MCTP1: variants seen among roughly 807,000 people sequenced by gnomAD.
The protein encoded by MCTP1 is multiple C2 and transmembrane domain containing 1.
MCTP1 carries 69 observed loss-of-function variants against 120.6 expected under a neutral mutation model. The observed-to-expected ratio is 0.57, with a 90% confidence interval of 0.47 to 0.70. The LOEUF (loss-of-function observed/expected upper bound fraction) is 0.70, where lower values mean the gene tolerates loss of function less well. Ranked by LOEUF, MCTP1 falls within the 30% of genes least tolerant of loss-of-function variation. The pLI is 0.00. For synonymous variants in MCTP1, 529 were observed against 493.1 expected, an observed-to-expected ratio of 1.07 and a Z score of -0.96; for missense variants, 1,203 against 1,248.8, an observed-to-expected ratio of 0.96 and a Z score of 0.55.
chr5:94,928,236 ACACACACG>A (rs1378901571), intron 6 of MCTP1, among the ~76,000 whole-genome samples: 1 of 134,848 alleles, frequency 7.4e-6, no homozygotes, highest in East Asian at 2.1e-4. Context: ...ACACACACAC[ACACACACG>A]ATGTAATGTA....
chr5:94,831,674 A>G (rs971423652), intron 17 of MCTP1, among the ~76,000 whole-genome samples: 1 of 152,190 alleles, frequency 6.6e-6, no homozygotes, highest in African/African-American at 2.4e-5. Context: ...CCTTTGTGTA[A>G]TGAAATTTGC....
At chr5:95,268,186 G>A (rs1686333048) in intron 1 of MCTP1, among the ~76,000 whole-genome samples, 1 of 152,104 alleles carries the variant, frequency 6.6e-6, no homozygotes, top group South Asian at 2.1e-4. Context: ...CTATAAGATC[G>A]TAAGCTCTAT....
intron 1 of MCTP1, among the ~76,000 whole-genome samples, chr5:95,227,091 C>G (rs1367001685): frequency 6.6e-6 from 1 of 152,126 alleles, no homozygotes; most frequent in Non-Finnish European, 1.5e-5. Flanking sequence ...GCCACCGAGG[C>G]AGAATTTGAT....
At chr5:95,040,754 A>G (rs1429295669) in intron 1 of MCTP1, among the ~76,000 whole-genome samples, 1 of 152,144 alleles carries the variant, frequency 6.6e-6, no homozygotes, top group African/African-American at 2.4e-5. Context: ...GGCCACAGTG[A>G]CTGATTCAGG....
chr5:95,191,438 T>C (rs546215396), intron 1 of MCTP1, among the ~76,000 whole-genome samples: 1 of 152,144 alleles, frequency 6.6e-6, no homozygotes, highest in East Asian at 1.9e-4. Context: ...AGTTACACTA[T>C]CTTCCACCAC....
chr5:94,883,858 G>A (rs1454157110), intron 12 of MCTP1, among the ~76,000 whole-genome samples: 4 of 152,294 alleles, frequency 2.6e-5, no homozygotes, highest in South Asian at 2.1e-4. Flanking sequence ...ATTTGCTAGC[G>A]TAACCCACCA....
chr5:95,149,044 G>A (rs1361965593), intron 1 of MCTP1, among the ~76,000 whole-genome samples: 1 of 152,188 alleles, frequency 6.6e-6, no homozygotes, highest in African/African-American at 2.4e-5. Flanking sequence ...GAGCTATGCA[G>A]GTCTTTTGTA....
chr5:95,148,576 AT>A (rs1760621818), intron 1 of MCTP1, among the ~76,000 whole-genome samples: 1 of 152,042 alleles, frequency 6.6e-6, no homozygotes, highest in Admixed American at 6.6e-5. Flanking sequence ...TGGCTATTTC[AT>A]TTTTCAGCTC....
chr5:95,171,762 AG>A (rs1747330228), intron 1 of MCTP1, among the ~76,000 whole-genome samples: 1 of 151,736 alleles, frequency 6.6e-6, no homozygotes, highest in Non-Finnish European at 1.5e-5. Context: ...CAGCTCCATC[AG>A]GTCATTTAAG....
intron 1 of MCTP1, among the ~76,000 whole-genome samples, chr5:95,025,199 G>A (rs966882171): frequency 6.6e-6 from 1 of 151,976 alleles, no homozygotes. Context: ...AAAACAACGA[G>A]GTACTGACAT....
intron 1 of MCTP1, among the ~76,000 whole-genome samples, chr5:95,027,594 G>GT (rs1455495371): frequency 2.0e-5 from 3 of 152,178 alleles, no homozygotes; most frequent in African/African-American, 7.2e-5. Flanking sequence ...GTGTGACATT[G>GT]TAACAGGGCA....
chr5:95,169,716 G>A (rs559019420), intron 1 of MCTP1, among the ~76,000 whole-genome samples: 2 of 152,112 alleles, frequency 1.3e-5, no homozygotes, highest in Non-Finnish European at 2.9e-5. Flanking sequence ...AGGGTAGTTT[G>A]TATTTCTGTG....
intron 19 of MCTP1, among the ~76,000 whole-genome samples, chr5:94,750,057 GAGA>G (rs1489522509): frequency 1.3e-5 from 2 of 152,358 alleles, no homozygotes; most frequent in South Asian, 2.1e-4. Flanking sequence ...GAGAAAGAGA[GAGA>G]AGAACTTGCT....
At chr5:95,120,021 A>C (rs1387179925) in intron 1 of MCTP1, among the ~76,000 whole-genome samples, 1 of 151,760 alleles carries the variant, frequency 6.6e-6, no homozygotes, top group East Asian at 1.9e-4. Context: ...AAAAAAATAC[A>C]AAAAAATTAG....
chr5:94,748,974 A>G (rs1322706299), intron 19 of MCTP1, among the ~76,000 whole-genome samples: 1 of 152,216 alleles, frequency 6.6e-6, no homozygotes, highest in Non-Finnish European at 1.5e-5. Flanking sequence ...AGGTCAAGAA[A>G]TACAGTTTTG....
At chr5:95,205,507 A>G (rs1447808645) in intron 1 of MCTP1, among the ~76,000 whole-genome samples, 10 of 152,182 alleles carry the variant, frequency 6.6e-5, no homozygotes, top group African/African-American at 2.2e-4. Flanking sequence ...ATTAATGTGA[A>G]ATAATTTGCG....
intron 19 of MCTP1, among the ~76,000 whole-genome samples, chr5:94,721,954 C>T (rs1382067227): frequency 1.3e-5 from 2 of 150,538 alleles, no homozygotes; most frequent in Non-Finnish European, 1.5e-5. Flanking sequence ...ATTTATATTG[C>T]ACAACTATTT....
chr5:95,113,939 A>G (rs1236011001), intron 1 of MCTP1, among the ~76,000 whole-genome samples: 1 of 152,184 alleles, frequency 6.6e-6, no homozygotes, highest in Non-Finnish European at 1.5e-5. Flanking sequence ...TTTCACCTGT[A>G]TACCAGCTCA....
At chr5:95,149,726 G>T (rs929009230) in intron 1 of MCTP1, among the ~76,000 whole-genome samples, 1 of 152,164 alleles carries the variant, frequency 6.6e-6, no homozygotes, top group Non-Finnish European at 1.5e-5. Flanking sequence ...GGCTGCTCAG[G>T]GATCCAAGGA....
Sources: allele counts gnomAD v4.1 joint callset (sites outside exome capture counted in the v4.1 genomes callset), GRCh38; gene constraint gnomAD v4.1.1; transcripts MANE v1.5; gene names NCBI Gene and HGNC (gene_info 2026-07-23, HGNC 2026-07-21).